The following RNF17 variants were observed in gnomAD, a reference collection of about 807,000 sequenced individuals.
The protein encoded by RNF17 is spermatogenesis associated 23.
In RNF17, 31 loss-of-function variants were observed where a neutral mutation model predicts 200.5. The observed-to-expected ratio is 0.15, with a 90% CI of 0.12 to 0.21. RNF17 has a LOEUF of 0.21. Among genes scored for constraint, RNF17 ranks in the 10% least tolerant of loss-of-function variants. RNF17 has a pLI of 1.00. For synonymous variants in RNF17, 606 were observed against 637.8 expected (o/e 0.95, Z 0.75); for missense variants, 1,628 against 1,905.1 (o/e 0.85, Z 2.71).
rs549288631 is a variant in RNF17, at chr13:24,842,365, GGAACCCAGAAACCAAGA to G, written c.2603+208_2603+224del. Among the ~76,000 whole-genome samples, 10 of 152,196 alleles carry G rather than the reference GGAACCCAGAAACCAAGA, an allele frequency of 6.6e-5. No individual in the cohort carries two copies. The South Asian group carries it at 2.1e-3, about 32-fold the overall frequency. On this transcript the variant is annotated intron_variant, in intron 19 of 35. Transcript: ENST00000255324. ...GAGTGACTTTTCCCTCCATTACTAAGGAACCCAGAAACCAAGAGAAAGGCTCCTTGAGAGTGCTTCTA... is the reference window on the plus strand; with the variant it reads ...GAGTGACTTTTCCCTCCATTACTAAGGAAAGGCTCCTTGAGAGTGCTTCTA...
the RNF17 span, among the ~76,000 whole-genome samples, chr13:24,747,908 G>A: frequency 2.6e-5 from 4 of 152,242 alleles, no homozygotes; most frequent in Non-Finnish European, 5.9e-5. Context: ...AGGCCCCCGT[G>A]CTCGGGCCCT....
At chr13:24,799,368 T>C in intron 11 of RNF17, 27 bp from the exon 12 acceptor site, 1 of 1,551,330 alleles carries the variant, frequency 6.4e-7, no homozygotes, top group Non-Finnish European at 8.8e-7. Flanking sequence ...TAAATGTTTA[T>C]AACGATTTGT....
chr13:24,781,876 G>A lies in RNF17; in HGVS notation c.543G>A (p.Glu181=), dbSNP rs1257849723. The change falls in exon 6 of 36, where the codon GAG becomes GAA. Residue 181 remains glutamate, a synonymous_variant. Transcript: ENST00000255324. The part of the protein sequence containing the change: ...ALEHMQKQTI[E]ERERVIEVVE... ...AACACATGCAGAAGCAAACGATAGA[G>A]GAAAGAGAAAGAGTTATAGAAGTTG... is the stretch of plus-strand genomic sequence containing the variant. 3.7e-6 allele frequency: 6 copies of A among 1,611,636 alleles called. No homozygotes were observed. In the African/African-American group the frequency reaches 4.0e-5, roughly 11 times the overall value.
intron 3 of RNF17, among the ~76,000 whole-genome samples, chr13:24,776,884 A>T (rs1440460373): frequency 6.6e-6 from 1 of 152,224 alleles, no homozygotes; most frequent in Non-Finnish European, 1.5e-5. Context: ...TTTCTGACAC[A>T]TGATGCCAGT....
At chr13:24,772,820 C>G (rs887997256) in intron 2 of RNF17, among the ~76,000 whole-genome samples, 2 of 152,042 alleles carry the variant, frequency 1.3e-5, no homozygotes, top group African/African-American at 4.8e-5. Context: ...CCATGTTAGG[C>G]AGGATGGTCT....
chr13:24,762,245 C>T (rs1236255128), upstream of RNF17, among the ~76,000 whole-genome samples: 1 of 152,022 alleles, frequency 6.6e-6, no homozygotes, highest in Non-Finnish European at 1.5e-5. Context: ...TGGCATGCGC[C>T]TGTAGTCCCA....
At chr13:24,851,631 G>A (rs955265646) in intron 24 of RNF17, 60 bp downstream of exon 24, 30 of 987,096 alleles carry the variant, frequency 3.0e-5, no homozygotes, top group Middle Eastern at 4.2e-4. Context: ...AGTTGCGTGT[G>A]CAAATCTTAT....
At chr13:24,885,634 C>T in the RNF17 span, 24 of 1,612,672 alleles carry the variant, frequency 1.5e-5, no homozygotes, top group Middle Eastern at 3.3e-4. Context: ...GCCTAAATCA[C>T]GAGGAGGTGC....
At chr13:24,787,570 T>C (rs992786071) in intron 6 of RNF17, among the ~76,000 whole-genome samples, 3 of 152,194 alleles carry the variant, frequency 2.0e-5, no homozygotes, top group Non-Finnish European at 4.4e-5. Context: ...GCATGCATCT[T>C]GCCTGGGCCT....
intron 14 of RNF17, among the ~76,000 whole-genome samples, chr13:24,803,459 C>T (rs576225201): frequency 3.2e-4 from 48 of 152,212 alleles, no homozygotes; most frequent in African/African-American, 1.0e-3. Context: ...CCACCACTCC[C>T]GGCTAATTTT....
chr13:24,887,671 A>G, the RNF17 span, among the ~76,000 whole-genome samples: 2 of 102,188 alleles, frequency 2.0e-5, no homozygotes, highest in Non-Finnish European at 4.4e-5. Context: ...ATTACAATGT[A>G]ATAATATTAG....
chr13:24,817,730 AT>A (rs202107278), intron 15 of RNF17, among the ~76,000 whole-genome samples: 11 of 149,354 alleles, frequency 7.4e-5, no homozygotes, highest in East Asian at 3.9e-4. Context: ...AAAAAAAAAA[AT>A]TTTTTTTTTC....
At chr13:24,761,787 G>A (rs1878764369), upstream of RNF17, among the ~76,000 whole-genome samples, 1 of 152,238 alleles carries the variant, frequency 6.6e-6, no homozygotes, top group African/African-American at 2.4e-5. Flanking sequence ...ATGAACAAAT[G>A]TGGTATAATC....
upstream of RNF17, among the ~76,000 whole-genome samples, chr13:24,760,565 T>A (rs565228215): frequency 1.1e-4 from 17 of 152,300 alleles, no homozygotes; most frequent in East Asian, 3.3e-3. Flanking sequence ...GTCTGGAGAA[T>A]GATTTTTTTG....
At chr13:24,764,432 C>G in intron 1 of RNF17, 99 bp downstream of exon 1, 1 of 1,432,040 alleles carries the variant, frequency 7.0e-7, no homozygotes, top group Middle Eastern at 2.6e-4. Flanking sequence ...CAGCTGCATC[C>G]AATCCTGGTG....
chr13:24,810,976 C>G (rs868657117), intron 15 of RNF17, among the ~76,000 whole-genome samples: 1 of 151,846 alleles, frequency 6.6e-6, no homozygotes, highest in Non-Finnish European at 1.5e-5. Flanking sequence ...GGCCCCCACT[C>G]TCTTCTGGCT....
At chr13:24,815,002 TGAGA>T (rs949430905) in intron 15 of RNF17, among the ~76,000 whole-genome samples, 16 of 151,874 alleles carry the variant, frequency 1.1e-4, no homozygotes, top group African/African-American at 3.4e-4. Context: ...TTTTAACAAG[TGAGA>T]GAGAGAGAAG....
intron 17 of RNF17, among the ~76,000 whole-genome samples, chr13:24,831,357 G>T (rs1049015254): frequency 6.6e-6 from 1 of 152,082 alleles, no homozygotes; most frequent in Admixed American, 6.5e-5. Flanking sequence ...CAGGAGAATT[G>T]CTTGAACCCG....
intron 24 of RNF17, among the ~76,000 whole-genome samples, chr13:24,852,186 T>A (rs1036579751): frequency 6.7e-6 from 1 of 149,146 alleles, no homozygotes; most frequent in African/African-American, 2.5e-5. Context: ...TCACCCAGGC[T>A]GGAGTGCAGT....
Sources: gnomAD v4.1 joint callset for allele counts (sites outside exome capture counted in the v4.1 genomes callset) on GRCh38, gnomAD v4.1.1 for gene constraint, MANE v1.5 for transcripts, NCBI Gene and HGNC (gene_info 2026-07-23, HGNC 2026-07-21) for gene names.